NAP1L1: variants seen among roughly 807,000 people sequenced by gnomAD.
The protein encoded by NAP1L1 is nucleosome assembly protein 1 like 1.
NAP1L1 carries 9 observed loss-of-function variants against 58.9 expected under a neutral mutation model. That is an observed-to-expected ratio of 0.15 (90% CI 0.09 to 0.27). The LOEUF is 0.27. Among genes scored for constraint, NAP1L1 ranks in the 10% least tolerant of loss-of-function variants. NAP1L1 has a pLI of 1.00. For synonymous variants in NAP1L1, 130 were observed against 138.3 expected, an observed-to-expected ratio of 0.94 and a Z score of 0.42; for missense variants, 302 against 458.8, an observed-to-expected ratio of 0.66 and a Z score of 3.12.
Position 76,041,404 on chromosome 12 carries a change from A to T in NAP1L1, c.*7025T>A, listed in dbSNP as rs1948549572. On this transcript the variant is annotated 3_prime_UTR_variant, in exon 15 of 15. Transcript: ENST00000618691. Reference sequence around the variant, plus strand: ...CTGATGAAAAGGAGATCCTATGTTGAACTAGTAAAACACATGCACAAAAGC... The same window carrying T: ...CTGATGAAAAGGAGATCCTATGTTGTACTAGTAAAACACATGCACAAAAGC... The T allele has an allele frequency of 6.6e-6, 1 of 152,246 alleles. No individual in the cohort carries two copies. The highest frequency in any genetic ancestry group is 1.5e-5 in the Non-Finnish European group (1 of 68,058). 9.4% of individuals were successfully genotyped at this position (152,246 alleles called of 1,614,324 possible).
chr12:76,065,544 A>AAC (rs2137041104), intron 4 of NAP1L1, among the ~76,000 whole-genome samples: 1 of 152,102 alleles, frequency 6.6e-6, no homozygotes, highest in African/African-American at 2.4e-5. Context: ...AAAAAAAAAA[A>AAC]AACAGCAATC....
rs77706469 is a variant in NAP1L1 at position 76,064,926 on chromosome 12, G to A, written c.206+2445C>T. 9.7e-3 allele frequency among the ~76,000 whole-genome samples: 1,481 copies of A among 152,092 alleles called. 22 individuals are homozygous for A. The highest frequency in any genetic ancestry group is 0.033 in the African/African-American group (1,372 of 41,490). ...TCTTATGCAAGTTGTTTCAGGAAAC[G>A]AAAAATTTTAAAAGCTGCTCCATTC... On this transcript the variant is annotated intron_variant, in intron 4 of 14. Transcript: ENST00000618691.
chr12:76,052,932 T>C (rs907555910), intron 11 of NAP1L1, among the ~76,000 whole-genome samples, 159 bp downstream of exon 11: 2 of 152,194 alleles, frequency 1.3e-5, no homozygotes, highest in African/African-American at 2.4e-5. Context: ...ACTGATATAA[T>C]TTTGAATGGA....
chr12:76,057,909 A>G, intron 6 of NAP1L1: 2 of 1,225,120 alleles, frequency 1.6e-6, no homozygotes, highest in South Asian at 1.3e-5. Flanking sequence ...CCCAGAGCAA[A>G]GAAATATGTG....
rs1948539972 is a variant in NAP1L1, at chr12:76,040,184, T to A, written c.*8245A>T. The A allele has an allele frequency of 1.3e-5, 2 of 152,242 alleles. No individual in the cohort carries two copies. Among genetic ancestry groups the A allele is most frequent in the Non-Finnish European group, 2.9e-5 (2 of 68,030 alleles). The allele number at this position is 152,242 out of a possible 1,614,324, so 9.4% of individuals were successfully genotyped here. On this transcript the variant is annotated 3_prime_UTR_variant, in exon 15 of 15. Coordinates refer to ENST00000618691, the MANE Select transcript of NAP1L1 (RefSeq NM_004537.7). ...AATATGTAATTTAAGCTTTGATGTC[T>A]TTGGTCATTTTGGAAAACGACTGCA...
At chr12:76,073,264 G>C (rs1440673454) in intron 2 of NAP1L1, among the ~76,000 whole-genome samples, 2 of 151,798 alleles carry the variant, frequency 1.3e-5, no homozygotes, top group Non-Finnish European at 1.5e-5. Context: ...ACTATCATTC[G>C]CTGATGCCTA....
At chr12:76,053,062 T>C in intron 11 of NAP1L1, 29 bp downstream of exon 11, 2 of 1,578,636 alleles carry the variant, frequency 1.3e-6, no homozygotes, top group Non-Finnish European at 1.7e-6. Flanking sequence ...TACTTAACAA[T>C]TCAATAAATA....
intron 2 of NAP1L1, among the ~76,000 whole-genome samples, chr12:76,070,258 G>A (rs1307597981): frequency 1.3e-5 from 2 of 152,132 alleles, no homozygotes; most frequent in Non-Finnish European, 2.9e-5. Context: ...GAATAGCTGG[G>A]ACTACAGGAG....
At chr12:76,055,325 T>C (rs547016910) in intron 7 of NAP1L1, among the ~76,000 whole-genome samples, 46 of 152,326 alleles carry the variant, frequency 3.0e-4, no homozygotes, top group South Asian at 6.2e-4. Context: ...AATTATTATA[T>C]AGGTTGAAAA....
At chr12:76,083,724 C>G (rs890388157) in intron 1 of NAP1L1, 1 of 152,196 alleles carries the variant, frequency 6.6e-6, no homozygotes, top group African/African-American at 2.4e-5. Flanking sequence ...AGTGGAGGCC[C>G]TTCCTTATCA....
At chr12:76,074,378 T>G in intron 1 of NAP1L1, 139 bp from the exon 2 acceptor site, 1 of 1,326,576 alleles carries the variant, frequency 7.5e-7, no homozygotes, top group Non-Finnish European at 9.7e-7. Context: ...CTATCAGTGT[T>G]AAGAAGAAAA....
intron 1 of NAP1L1, among the ~76,000 whole-genome samples, chr12:76,080,159 G>A (rs767193084): frequency 2.0e-5 from 3 of 152,140 alleles, no homozygotes; most frequent in Non-Finnish European, 4.4e-5. Flanking sequence ...ATATACAACA[G>A]TGATCCCACA....
At chr12:76,078,636 A>C (rs2137108717) in intron 1 of NAP1L1, among the ~76,000 whole-genome samples, 1 of 152,346 alleles carries the variant, frequency 6.6e-6, no homozygotes, top group African/African-American at 2.4e-5. Context: ...CAAAATTTGG[A>C]AAACTAGAAC....
intron 8 of NAP1L1, among the ~76,000 whole-genome samples, chr12:76,054,265 A>G (rs1156812513): frequency 6.8e-6 from 1 of 146,610 alleles, no homozygotes; most frequent in Non-Finnish European, 1.5e-5. Context: ...CCGGACCTCA[A>G]GTGATCCACC....
At chr12:76,050,941 C>G (rs1285429636) in intron 11 of NAP1L1, among the ~76,000 whole-genome samples, 2 of 150,958 alleles carry the variant, frequency 1.3e-5, no homozygotes, top group Non-Finnish European at 2.9e-5. Flanking sequence ...ATTGCTGGAG[C>G]CCAGCAGCTT....
At chr12:76,083,339 A>G (rs1950479195) in intron 1 of NAP1L1, among the ~76,000 whole-genome samples, 2 of 152,154 alleles carry the variant, frequency 1.3e-5, no homozygotes, top group Admixed American at 1.3e-4. Context: ...TTAAAGTCAT[A>G]AAGGGCCAAA....
chr12:76,056,257 A>T, intron 6 of NAP1L1, 96 bp from the exon 7 acceptor site: 1 of 1,247,978 alleles, frequency 8.0e-7, no homozygotes, highest in Non-Finnish European at 1.1e-6. Flanking sequence ...GTCACCAGAT[A>T]TTACCTTCAA....
chr12:76,049,343 G>A (rs1948716825), intron 13 of NAP1L1, 93 bp from the exon 14 acceptor site: 16 of 1,597,344 alleles, frequency 1.0e-5, no homozygotes, highest in East Asian at 4.5e-5. Context: ...GTTACTCTAC[G>A]GATCAACAGA....
intron 6 of NAP1L1, chr12:76,057,917 G>A (rs1949196134): frequency 8.7e-6 from 10 of 1,153,134 alleles, no homozygotes; most frequent in African/African-American, 3.0e-5. Context: ...AAAGAAATAT[G>A]TGACAAGGGT....
Sources: gnomAD v4.1 joint callset for allele counts (sites outside exome capture counted in the v4.1 genomes callset) on GRCh38, gnomAD v4.1.1 for gene constraint, MANE v1.5 for transcripts, NCBI Gene and HGNC (gene_info 2026-07-23, HGNC 2026-07-21) for gene names.